TDRD9: variants seen among roughly 807,000 people sequenced by gnomAD.
The protein encoded by TDRD9 is tudor domain containing 9.
In TDRD9, 124 loss-of-function variants were observed where a neutral mutation model predicts 172.6. The observed-to-expected ratio is 0.72, with a 90% CI of 0.62 to 0.83. The LOEUF is 0.83. Ranked by LOEUF, TDRD9 falls within the 40% of genes least tolerant of loss-of-function variation. The probability of loss-of-function intolerance (pLI) is 0.00; values close to 1 mark genes in which losing one functional copy is unlikely to be tolerated. For synonymous variants in TDRD9, 619 were observed against 617.1 expected (o/e 1.00, Z -0.05); for missense variants, 1,479 against 1,714.1 (o/e 0.86, Z 2.42).
chr14:103,935,949 A>G (rs1048589874), intron 1 of TDRD9, among the ~76,000 whole-genome samples: 5 of 152,138 alleles, frequency 3.3e-5, no homozygotes, highest in African/African-American at 1.2e-4. Context: ...GTTTGAATGA[A>G]TGACCTAGGA....
intron 20 of TDRD9, 109 bp from the exon 21 acceptor site, chr14:104,014,616 C>A (rs2034726347): frequency 1.6e-6 from 1 of 611,744 alleles, no homozygotes; most frequent in Non-Finnish European, 2.9e-6. Context: ...GTGTTTCATT[C>A]TGTAGCTGTG....
At chr14:104,002,930 C>T (rs1047767858) in intron 13 of TDRD9, among the ~76,000 whole-genome samples, 1 of 151,968 alleles carries the variant, frequency 6.6e-6, no homozygotes, top group African/African-American at 2.4e-5. Flanking sequence ...AGGGTTTCAC[C>T]ATGTTGGCCA....
intron 23 of TDRD9, among the ~76,000 whole-genome samples, chr14:104,019,349 T>C (rs2034884712): frequency 6.6e-6 from 1 of 152,050 alleles, no homozygotes; most frequent in Non-Finnish European, 1.5e-5. Context: ...CTGGGACTTT[T>C]TTTTGTTTTA....
intron 5 of TDRD9, among the ~76,000 whole-genome samples, chr14:103,968,327 T>C (rs2032845357): frequency 6.6e-6 from 1 of 152,248 alleles, no homozygotes; most frequent in East Asian, 1.9e-4. Flanking sequence ...ATTTGCTTCA[T>C]AAATGAATGG....
chr14:103,963,940 A>G (rs896679728), intron 3 of TDRD9, among the ~76,000 whole-genome samples: 3 of 152,156 alleles, frequency 2.0e-5, no homozygotes, highest in African/African-American at 7.2e-5. Context: ...ATTTGAGTGG[A>G]GTTTTAAAAA....
At position 104,005,387 on chromosome 14, in the gene TDRD9, C is replaced by T; in HGVS notation, c.1695C>T (p.Thr565=). 1 of 1,613,950 alleles carries T rather than the reference C, an allele frequency of 6.2e-7. No individual in the cohort carries two copies. Among genetic ancestry groups the T allele is most frequent in the Non-Finnish European group, 8.5e-7 (1 of 1,179,878 alleles). The stretch of plus-strand genomic sequence containing the variant: ...CTGGTCTGAGTGACATTGAGCGCAC[C>T]ATCCTTCTACTAAAGGAGGTAGGAC... The part of the protein sequence containing the change: ...SPPGLSDIER[T]ILLLKEVGAL... The change falls in exon 15 of 36, where the codon ACC becomes ACT. Residue 565 remains threonine, a synonymous_variant. Transcript: ENST00000409874.
chr14:104,048,002 A>T (rs931523204), intron 34 of TDRD9, among the ~76,000 whole-genome samples: 2 of 152,156 alleles, frequency 1.3e-5, no homozygotes, highest in Non-Finnish European at 2.9e-5. Context: ...CTCAGCCTCT[A>T]CTGGCTGCTC....
chr14:103,928,821 C>T (rs2030156415), intron 1 of TDRD9, 97 bp downstream of exon 1: 3 of 352,924 alleles, frequency 8.5e-6, no homozygotes, highest in Middle Eastern at 8.7e-4. Flanking sequence ...GAGCCCGTGC[C>T]CTCTCGCGGG....
Position 103,950,000 on chromosome 14 carries a change from G to GGCCCT in TDRD9, c.216-5643_216-5639dup, listed in dbSNP as rs145914752. 4.7e-3 allele frequency among the ~76,000 whole-genome samples: 684 copies of GGCCCT among 145,512 alleles called. 10 individuals are homozygous for GGCCCT. Among genetic ancestry groups the GGCCCT allele is most frequent in the African/African-American group, 0.017 (663 of 39,256 alleles). Reference sequence around the variant, plus strand: ...CAGCTTTGCCAATTTAAACAAATCAGGCCCTGCCCTGCCCTGCCCTGCCCT... The same window carrying GGCCCT: ...CAGCTTTGCCAATTTAAACAAATCAGGCCCTGCCCTGCCCTGCCCTGCCCTGCCCT... On this transcript the variant is annotated intron_variant, in intron 1 of 35. Transcript: ENST00000409874.
At chr14:103,961,590 GAA>G (rs559475243) in intron 2 of TDRD9, among the ~76,000 whole-genome samples, 3,479 of 138,558 alleles carry the variant, frequency 0.025, 75 homozygotes, top group East Asian at 0.073. Context: ...AAGAAAAAAG[GAA>G]AAAAAAAAAA....
At chr14:103,935,422 G>A (rs1043932021) in intron 1 of TDRD9, among the ~76,000 whole-genome samples, 1 of 152,198 alleles carries the variant, frequency 6.6e-6, no homozygotes, top group African/African-American at 2.4e-5. Flanking sequence ...CAAGGTTTCT[G>A]GCCTAGCAAG....
At chr14:104,027,033 G>GGA in intron 28 of TDRD9, 94 bp downstream of exon 28, 1 of 1,356,936 alleles carries the variant, frequency 7.4e-7, no homozygotes, top group Admixed American at 2.3e-5. Flanking sequence ...AGGAGGAGGC[G>GGA]GACAGTGTTC....
At chr14:103,946,219 C>T (rs929370037) in intron 1 of TDRD9, among the ~76,000 whole-genome samples, 1 of 152,210 alleles carries the variant, frequency 6.6e-6, no homozygotes, top group African/African-American at 2.4e-5. Flanking sequence ...ATCCTCCCAC[C>T]TCAGCCTCCC....
At chr14:104,014,231 CA>C (rs370386257) in intron 20 of TDRD9, among the ~76,000 whole-genome samples, 6,644 of 102,994 alleles carry the variant, frequency 0.065, 193 homozygotes, top group African/African-American at 0.14. Flanking sequence ...GAGACTGTCT[CA>C]AAAAAAAAAA....
intron 21 of TDRD9, among the ~76,000 whole-genome samples, chr14:104,015,417 G>C (rs1357912403): frequency 6.6e-6 from 1 of 152,212 alleles, no homozygotes; most frequent in Non-Finnish European, 1.5e-5. Flanking sequence ...CTGGAAATGT[G>C]CGAGTGTTTT....
intron 20 of TDRD9, among the ~76,000 whole-genome samples, chr14:104,010,038 C>T (rs573056406): frequency 1.2e-4 from 18 of 151,626 alleles, no homozygotes; most frequent in African/African-American, 2.9e-4. Flanking sequence ...CTCTGCCTCC[C>T]GGGTTCAAAC....
intron 20 of TDRD9, 135 bp downstream of exon 20, chr14:104,008,601 C>A: frequency 1.6e-6 from 1 of 620,864 alleles, no homozygotes; most frequent in Non-Finnish European, 2.9e-6. Context: ...CTGTTTCCAG[C>A]TTTAGTAGGA....
intron 35 of TDRD9, 151 bp downstream of exon 35, chr14:104,049,831 A>G (rs535166795): frequency 7.6e-5 from 48 of 629,088 alleles, no homozygotes; most frequent in Non-Finnish European, 1.3e-4. Flanking sequence ...CCAGCTGGCA[A>G]ATGTCTCAGA....
chr14:104,007,162 A>G lies in TDRD9; in HGVS notation c.2010A>G (p.Thr670=). The change falls in exon 19 of 36, where the codon ACA becomes ACG. Residue 670 remains threonine, a splice_region_variant and synonymous_variant. Coordinates refer to ENST00000409874, the MANE Select transcript of TDRD9 (RefSeq NM_153046.3). ...AAGTTTGGATCCTTTATTTTCAGACATGGAAGGCTTGCAGACAGACAGGGG... is the reference window on the plus strand; with the variant it reads ...AAGTTTGGATCCTTTATTTTCAGACGTGGAAGGCTTGCAGACAGACAGGGG... ...DCIALVEAFK[T]WKACRQTGEL... 6.2e-7 allele frequency: 1 copy of G among 1,613,810 alleles called. No individual in the cohort carries two copies. Among genetic ancestry groups the G allele is most frequent in the Non-Finnish European group, 8.5e-7 (1 of 1,179,828 alleles).
Sources: gnomAD v4.1 joint callset for allele counts (sites outside exome capture counted in the v4.1 genomes callset) on GRCh38, gnomAD v4.1.1 for gene constraint, MANE v1.5 for transcripts, NCBI Gene and HGNC (gene_info 2026-07-23, HGNC 2026-07-21) for gene names.